LARP4: variants seen among roughly 807,000 people sequenced by gnomAD.
LARP4 encodes la-related protein 4.
In LARP4, 29 loss-of-function variants were observed where a neutral mutation model predicts 92.9. The ratio of observed to expected loss-of-function variants is 0.31; its 90% CI spans 0.23 to 0.43. The LOEUF (loss-of-function observed/expected upper bound fraction) is 0.43, where lower values mean the gene tolerates loss of function less well. Among genes scored for constraint, LARP4 ranks in the 20% least tolerant of loss-of-function variants. The pLI is 1.00. For synonymous variants in LARP4, 279 were observed against 284.1 expected (o/e 0.98, Z 0.18); for missense variants, 732 against 860.0 (o/e 0.85, Z 1.86).
At chr12:50,444,197 A>G (rs1243612858) in intron 8 of LARP4, among the ~76,000 whole-genome samples, 1 of 151,732 alleles carries the variant, frequency 6.6e-6, no homozygotes, top group Non-Finnish European at 1.5e-5. Context: ...TGTTAATTCA[A>G]TTCATTTTTA....
intron 13 of LARP4, 37 bp from the exon 14 acceptor site, chr12:50,473,378 G>A (rs780382748): frequency 1.5e-5 from 23 of 1,540,580 alleles, no homozygotes; most frequent in Non-Finnish European, 2.1e-5. Flanking sequence ...TTGGAAAAAG[G>A]TCTAAGTGTA....
chr12:50,412,323 T>C, intron 1 of LARP4: 5 of 372,078 alleles, frequency 1.3e-5, no homozygotes, highest in Non-Finnish European at 1.5e-5. Context: ...CTCTCAGTAT[T>C]GGAGATGTAA....
At chr12:50,438,357 C>T (rs545534232) in intron 6 of LARP4, among the ~76,000 whole-genome samples, 1 of 152,082 alleles carries the variant, frequency 6.6e-6, no homozygotes, top group African/African-American at 2.4e-5. Context: ...ATTAGCCAGG[C>T]ATGGTGGTGG....
At chr12:50,472,496 A>G (rs1400683709) in intron 13 of LARP4, among the ~76,000 whole-genome samples, 1 of 147,546 alleles carries the variant, frequency 6.8e-6, no homozygotes, top group Admixed American at 6.9e-5. Context: ...TCAAGATTTC[A>G]TTAATTTTTT....
chr12:50,470,648 G>A (rs1238074908), intron 13 of LARP4, among the ~76,000 whole-genome samples: 1 of 152,042 alleles, frequency 6.6e-6, no homozygotes, highest in Non-Finnish European at 1.5e-5. Context: ...TAGCCAGGGT[G>A]GTCTCGAACT....
intron 6 of LARP4, among the ~76,000 whole-genome samples, chr12:50,440,142 A>G (rs1321227797): frequency 6.6e-6 from 1 of 152,214 alleles, no homozygotes. Flanking sequence ...ATCATGTACA[A>G]AATACATCTC....
intron 1 of LARP4, among the ~76,000 whole-genome samples, chr12:50,418,382 C>G (rs2136666018): frequency 6.6e-6 from 1 of 152,278 alleles, no homozygotes; most frequent in East Asian, 1.9e-4. Flanking sequence ...TCTGTTATAC[C>G]ATAATTGTCT....
At chr12:50,443,528 A>G (rs543548973) in intron 8 of LARP4, among the ~76,000 whole-genome samples, 2 of 152,208 alleles carry the variant, frequency 1.3e-5, no homozygotes, top group East Asian at 3.9e-4. Context: ...CAGCCTCCCA[A>G]AGTGCTGAGA....
At chr12:50,460,444 A>C (rs529802828) in intron 10 of LARP4, among the ~76,000 whole-genome samples, 1 of 152,222 alleles carries the variant, frequency 6.6e-6, no homozygotes, top group South Asian at 2.1e-4. Flanking sequence ...CTTCTGCCTC[A>C]GCCTTCCAAG....
intron 13 of LARP4, 74 bp from the exon 14 acceptor site, chr12:50,473,341 T>G (rs1001190467): frequency 8.1e-6 from 9 of 1,113,762 alleles, no homozygotes; most frequent in Non-Finnish European, 1.2e-5. Flanking sequence ...CATCTTCTCT[T>G]GTGCTTATTA....
intron 10 of LARP4, among the ~76,000 whole-genome samples, chr12:50,460,402 G>T (rs1183217108): frequency 1.3e-5 from 2 of 152,086 alleles, no homozygotes; most frequent in African/African-American, 4.8e-5. Flanking sequence ...ATCATAGCTC[G>T]CTGCAGCCTC....
intron 4 of LARP4, among the ~76,000 whole-genome samples, chr12:50,434,909 G>C (rs917037696): frequency 6.6e-6 from 1 of 152,106 alleles, no homozygotes; most frequent in Non-Finnish European, 1.5e-5. Context: ...TTAGCCGAGC[G>C]TGATGGCGGG....
At chr12:50,427,733 A>T (rs1189105814) in intron 1 of LARP4, 29 bp from the exon 2 acceptor site, 2 of 1,416,046 alleles carry the variant, frequency 1.4e-6, no homozygotes, top group South Asian at 3.6e-5. Context: ...GATTTTAAAA[A>T]TTTACAAATA....
intron 10 of LARP4, among the ~76,000 whole-genome samples, chr12:50,459,498 CG>C (rs1194113081): frequency 6.6e-6 from 1 of 152,030 alleles, no homozygotes; most frequent in African/African-American, 2.4e-5. Flanking sequence ...CCTTCGCCCC[CG>C]TTTTTACTCC....
At chr12:50,439,543 C>T (rs113158210) in intron 6 of LARP4, among the ~76,000 whole-genome samples, 4 of 152,106 alleles carry the variant, frequency 2.6e-5, no homozygotes, top group Non-Finnish European at 5.9e-5. Flanking sequence ...GCTGTGACTA[C>T]GGGAGCCAGC....
intron 15 of LARP4, among the ~76,000 whole-genome samples, chr12:50,474,664 T>C (rs765324367): frequency 2.0e-5 from 3 of 152,164 alleles, no homozygotes; most frequent in African/African-American, 4.8e-5. Flanking sequence ...TTTCTTTTGA[T>C]TGCTTTTTTT....
Position 50,426,495 on chromosome 12 carries a change from G to A in LARP4, c.19-1267G>A, listed in dbSNP as rs113262465. On this transcript the variant is annotated intron_variant, in intron 1 of 15. Transcript: ENST00000398473. Reference sequence around the variant, plus strand: ...GCTCTCCTGTGGGTACAAAACAGGTGTATTTTCTGTAGAGAATTTTGAAAC... The same window carrying A: ...GCTCTCCTGTGGGTACAAAACAGGTATATTTTCTGTAGAGAATTTTGAAAC... 9.5e-3 allele frequency among the ~76,000 whole-genome samples: 1,446 copies of A among 152,182 alleles called. 15 individuals carry two copies. Among genetic ancestry groups the A allele is most frequent in the Middle Eastern group, 0.065 (19 of 292 alleles).
At chr12:50,405,638 C>G (rs990767530) in intron 1 of LARP4, among the ~76,000 whole-genome samples, 1 of 151,568 alleles carries the variant, frequency 6.6e-6, no homozygotes, top group African/African-American at 2.4e-5. Context: ...CTTTTTTGCT[C>G]AAGCTGAAAT....
At chr12:50,410,924 C>T (rs1299618682) in intron 1 of LARP4, among the ~76,000 whole-genome samples, 1 of 152,034 alleles carries the variant, frequency 6.6e-6, no homozygotes. Context: ...TCCACTGGTA[C>T]TAGAGTACCA....
Sources: allele counts gnomAD v4.1 joint callset (sites outside exome capture counted in the v4.1 genomes callset), GRCh38; gene constraint gnomAD v4.1.1; transcripts MANE v1.5; gene names NCBI Gene and HGNC (gene_info 2026-07-23, HGNC 2026-07-21).